The following DGKH variants were observed in gnomAD, a reference collection of about 807,000 sequenced individuals.
DGKH encodes DAG kinase eta.
In DGKH, 90 loss-of-function variants were observed where a neutral mutation model predicts 159.3. The observed-to-expected ratio is 0.57, with a 90% CI of 0.48 to 0.67. The LOEUF is 0.67. Among genes scored for constraint, DGKH ranks in the 30% least tolerant of loss-of-function variants. DGKH has a pLI of 0.00. For synonymous variants in DGKH, 536 were observed against 553.8 expected (o/e 0.97, Z 0.45); for missense variants, 1,181 against 1,506.1 (o/e 0.78, Z 3.57).
intron 17 of DGKH, among the ~76,000 whole-genome samples, chr13:42,196,257 T>G (rs1349544240): frequency 6.6e-6 from 1 of 152,184 alleles, no homozygotes; most frequent in Non-Finnish European, 1.5e-5. Flanking sequence ...CCCAAAAAGT[T>G]AAACATAGAG....
downstream of DGKH, among the ~76,000 whole-genome samples, chr13:42,243,576 T>TA (rs1199833210): frequency 6.6e-6 from 1 of 151,992 alleles, no homozygotes; most frequent in Non-Finnish European, 1.5e-5. Flanking sequence ...TGTGCAGTGA[T>TA]AAAAAATATG....
chr13:42,145,203 G>A (rs1032944405), intron 3 of DGKH, among the ~76,000 whole-genome samples: 5 of 152,142 alleles, frequency 3.3e-5, no homozygotes, highest in African/African-American at 1.2e-4. Flanking sequence ...GCTTCGCTGA[G>A]CCCAAATCTC....
intron 1 of DGKH, chr13:42,070,207 TGTTCC>T: frequency 9.8e-7 from 1 of 1,024,108 alleles, no homozygotes; most frequent in South Asian, 1.3e-5. Flanking sequence ...TGTCAAAATT[TGTTCC>T]AGGAAATTCA....
At chr13:42,141,081 C>T (rs190780498) in intron 3 of DGKH, among the ~76,000 whole-genome samples, 2 of 118,984 alleles carry the variant, frequency 1.7e-5, no homozygotes, top group Non-Finnish European at 3.5e-5. Context: ...GGCCCCAGTG[C>T]GTGATGTTCC....
Position 42,209,923 on chromosome 13 carries a change from G to A in DGKH, c.2850+458G>A, listed in dbSNP as rs551660788. ...GCAGTATCATACAAAATTATTTCAC[G>A]ACCCTAAAAATTCCTTATGGTCTAC... On this transcript the variant is annotated intron_variant, in intron 23 of 29. Coordinates refer to ENST00000337343, the MANE Select transcript of DGKH (RefSeq NM_178009.5). 1.7e-3 allele frequency among the ~76,000 whole-genome samples: 251 copies of A among 150,784 alleles called. 2 individuals are homozygous for A. The highest frequency in any genetic ancestry group is 2.8e-3 in the Non-Finnish European group (193 of 67,820).
chr13:42,189,210 A>G lies in DGKH; in HGVS notation c.1813A>G (p.Lys605Glu), dbSNP rs1957004843. The stretch of plus-strand genomic sequence containing the variant: ...AGAGCAGCTTGGGGATGACGTTACA[A>G]AACCTTCCTCCCAGAAAGCCGTCAA... The part of the protein sequence containing the change: ...SKEQLGDDVT[K>E]PSSQKAVKPR... The change falls in exon 15 of 30, where the codon AAA becomes GAA. Residue 605 changes from lysine (K) to glutamate (E), a missense_variant. Physicochemically the swap from Lys to Glu is moderately conservative, Grantham distance 56 (BLOSUM62 1). Around this residue, in one of 5 missense-constraint regions of DGKH, gnomAD observed 257 missense variants for 281.5 expected, o/e 0.91. Coordinates refer to ENST00000337343, the MANE Select transcript of DGKH (RefSeq NM_178009.5). 1 of 1,614,118 alleles carries G rather than the reference A, an allele frequency of 6.2e-7. No individual in the cohort carries two copies. The highest frequency in any genetic ancestry group is 1.3e-5 in the African/African-American group (1 of 74,948).
At chr13:42,118,291 G>GCTTTCC (rs1377687285) in intron 1 of DGKH, among the ~76,000 whole-genome samples, 1 of 152,140 alleles carries the variant, frequency 6.6e-6, no homozygotes. Flanking sequence ...GGGGCCCAGC[G>GCTTTCC]CTTTCCCGTT....
At position 42,178,184 on chromosome 13, in the gene DGKH, A is replaced by G. The variant is rs200119073; in HGVS notation, c.1502A>G (p.Asn501Ser). Residue 501 changes from asparagine (N) to serine (S), a missense_variant, in exon 13 of 30, where the codon AAT becomes AGT. Asn to Ser is a conservative substitution (Grantham distance 46). Transcript: ENST00000337343. ...GCAACGCATCTTACAAAAATCCTCA[A>G]TTCTGATGAACATGCAGTGGTCATA... is the stretch of plus-strand genomic sequence containing the variant. ...SVATHLTKIL[N>S]SDEHAVVISS... 29 of 1,606,616 alleles carry G rather than the reference A, an allele frequency of 1.8e-5. No homozygotes were observed. In the East Asian group the frequency reaches 2.7e-4, roughly 15 times the overall value.
intron 3 of DGKH, among the ~76,000 whole-genome samples, chr13:42,136,088 C>G (rs191349126): frequency 6.6e-6 from 1 of 152,166 alleles, no homozygotes; most frequent in Non-Finnish European, 1.5e-5. Flanking sequence ...TTGAGAATAA[C>G]AAGAGTACCT....
intron 1 of DGKH, among the ~76,000 whole-genome samples, chr13:42,057,221 T>G (rs1881829546): frequency 6.6e-6 from 1 of 152,184 alleles, no homozygotes. Context: ...GGTATAGTGT[T>G]AAAAAGAATC....
At position 42,122,734 on chromosome 13, in the gene DGKH, G is replaced by T. The variant is rs117659936; in HGVS notation, c.193-4729G>T. ...CATGTTTTCTACAGGTCCTGGGAAAGCTTTTTAGATTAGACTGTTAGCGTA... is the reference window on the plus strand; with the variant it reads ...CATGTTTTCTACAGGTCCTGGGAAATCTTTTTAGATTAGACTGTTAGCGTA... On this transcript the variant is annotated intron_variant, in intron 1 of 29. Coordinates refer to ENST00000337343, the MANE Select transcript of DGKH (RefSeq NM_178009.5). Among the ~76,000 whole-genome samples, 1,520 of 152,280 alleles carry T rather than the reference G, an allele frequency of 1.0e-2. 7 individuals are homozygous for T. The highest frequency in any genetic ancestry group is 0.014 in the Non-Finnish European group (945 of 68,024).
downstream of DGKH, among the ~76,000 whole-genome samples, chr13:42,243,603 A>C (rs1307846230): frequency 6.6e-6 from 1 of 152,194 alleles, no homozygotes; most frequent in Non-Finnish European, 1.5e-5. Flanking sequence ...AGTTTAGGGG[A>C]GGACAAAGGA....
At chr13:42,058,618 G>C (rs1236726424) in intron 1 of DGKH, among the ~76,000 whole-genome samples, 1 of 152,140 alleles carries the variant, frequency 6.6e-6, no homozygotes, top group Non-Finnish European at 1.5e-5. Flanking sequence ...TTACTTAAGG[G>C]GGCAGAGAAT....
At chr13:42,170,794 T>C (rs1445346834) in intron 11 of DGKH, among the ~76,000 whole-genome samples, 2 of 151,914 alleles carry the variant, frequency 1.3e-5, no homozygotes, top group Non-Finnish European at 2.9e-5. Context: ...AATACAAAAA[T>C]TAACTGGGCA....
chr13:42,073,249 A>G lies in DGKH; in HGVS notation c.192+24284A>G, dbSNP rs78685178. ...TTTAGAGCAGGGTATGCAGTGTATTAATTCTTTGTTTTCTTTGCCATTTAT... is the reference window on the plus strand; with the variant it reads ...TTTAGAGCAGGGTATGCAGTGTATTGATTCTTTGTTTTCTTTGCCATTTAT... On this transcript the variant is annotated intron_variant, in intron 1 of 29. Coordinates refer to ENST00000337343, the MANE Select transcript of DGKH (RefSeq NM_178009.5). Among the ~76,000 whole-genome samples the G allele has an allele frequency of 0.013, 2,027 of 152,284 alleles. 137 individuals are homozygous for G. In the East Asian group the frequency reaches 0.21, roughly 16 times the overall value.
intron 1 of DGKH, among the ~76,000 whole-genome samples, chr13:42,064,180 TC>T (rs1034622503): frequency 3.2e-4 from 48 of 152,234 alleles, no homozygotes; most frequent in Middle Eastern, 6.8e-3. Flanking sequence ...GAAATTATTT[TC>T]TGATTATTTT....
At chr13:42,168,415 A>C (rs769754719) in intron 9 of DGKH, 25 bp from the exon 10 acceptor site, 10 of 1,585,458 alleles carry the variant, frequency 6.3e-6, no homozygotes, top group Non-Finnish European at 8.6e-6. Context: ...TCTTTATACT[A>C]AAATAAAATC....
At chr13:42,162,828 TTC>T (rs1956219626) in intron 7 of DGKH, among the ~76,000 whole-genome samples, 1 of 143,194 alleles carries the variant, frequency 7.0e-6, no homozygotes, top group Non-Finnish European at 1.5e-5. Context: ...AAACATGAGT[TTC>T]TTTTTTTTTT....
chr13:42,227,036 T>C (rs1409790834), intron 29 of DGKH, among the ~76,000 whole-genome samples: 1 of 151,986 alleles, frequency 6.6e-6, no homozygotes, highest in African/African-American at 2.4e-5. Context: ...CACACGTTCT[T>C]GTAAGTGGGA....
Sources: allele counts gnomAD v4.1 joint callset (sites outside exome capture counted in the v4.1 genomes callset), GRCh38; gene constraint gnomAD v4.1.1; regional missense constraint gnomAD v4.1.1; transcripts MANE v1.5; gene names NCBI Gene and HGNC (gene_info 2026-07-23, HGNC 2026-07-21).